ANKFN1: variants seen among roughly 807,000 people sequenced by gnomAD.
ANKFN1 encodes ankyrin repeat and fibronectin type-III domain-containing protein 1.
A neutral mutation model predicts 108.7 loss-of-function variants in ANKFN1; 74 were observed. That is an observed-to-expected ratio of 0.68 (90% CI 0.56 to 0.83). The LOEUF (loss-of-function observed/expected upper bound fraction) is 0.83. ANKFN1 is among the 40% of genes least tolerant of loss of function. The pLI, the probability that ANKFN1 is intolerant of heterozygous loss-of-function variation, is 0.00. For missense variants in ANKFN1, 1,505 were observed against 1,382.3 expected (o/e 1.09, Z -1.41); for synonymous variants, 547 against 516.2 (o/e 1.06, Z -0.81).
chr17:56,473,088 A>C (rs1404837862), intron 15 of ANKFN1: 1 of 152,168 alleles, frequency 6.6e-6, no homozygotes, highest in Non-Finnish European at 1.5e-5. Context: ...TGTGAGTTCC[A>C]TGAAGGGAAG....
At chr17:56,140,241 CTAGT>C (rs1216574814) in intron 4 of ANKFN1, among the ~76,000 whole-genome samples, 2 of 152,042 alleles carry the variant, frequency 1.3e-5, no homozygotes, top group Non-Finnish European at 2.9e-5. Flanking sequence ...TTTTTCATAT[CTAGT>C]TAGTCACCAA....
At chr17:56,278,750 C>CA (rs1903239890) in intron 3 of ANKFN1, among the ~76,000 whole-genome samples, 1 of 152,152 alleles carries the variant, frequency 6.6e-6, no homozygotes, top group African/African-American at 2.4e-5. Context: ...TTAAAAGATG[C>CA]CTTATGACCA....
intron 8 of ANKFN1, among the ~76,000 whole-genome samples, chr17:56,379,970 T>C (rs1304710220): frequency 6.6e-6 from 1 of 152,240 alleles, no homozygotes; most frequent in African/African-American, 2.4e-5. Context: ...CAAAATGTCT[T>C]TGTTATTCAC....
chr17:56,140,859 T>C (rs1402479588), intron 4 of ANKFN1, among the ~76,000 whole-genome samples: 1 of 152,218 alleles, frequency 6.6e-6, no homozygotes, highest in Non-Finnish European at 1.5e-5. Flanking sequence ...ATCTCCTCCA[T>C]TTATTAAATT....
chr17:56,460,564 A>G (rs2049867607), intron 14 of ANKFN1, among the ~76,000 whole-genome samples: 1 of 151,966 alleles, frequency 6.6e-6, no homozygotes, highest in Admixed American at 6.5e-5. Flanking sequence ...TGATGATTTC[A>G]CTGTATAATT....
intron 1 of ANKFN1, among the ~76,000 whole-genome samples, chr17:56,187,925 C>A (rs1425366975): frequency 6.6e-6 from 1 of 151,610 alleles, no homozygotes; most frequent in Admixed American, 6.6e-5. Context: ...CACACCGGGG[C>A]CTGTCGTGGG....
chr17:56,319,672 T>C (rs968520253), intron 3 of ANKFN1, among the ~76,000 whole-genome samples: 3 of 152,148 alleles, frequency 2.0e-5, no homozygotes, highest in Admixed American at 1.3e-4. Context: ...GCCTAGGGAT[T>C]GGTCATAAGA....
chr17:56,231,812 A>G (rs1263225181), intron 3 of ANKFN1, among the ~76,000 whole-genome samples: 2 of 152,156 alleles, frequency 1.3e-5, no homozygotes, highest in Non-Finnish European at 2.9e-5. Flanking sequence ...TGTTGTAAAC[A>G]TTTAGGGAAT....
At chr17:56,194,125 A>G (rs1007931539) in intron 1 of ANKFN1, among the ~76,000 whole-genome samples, 1 of 152,190 alleles carries the variant, frequency 6.6e-6, no homozygotes, top group Non-Finnish European at 1.5e-5. Context: ...GAGAACATCA[A>G]ATGCTTGTGG....
intron 8 of ANKFN1, among the ~76,000 whole-genome samples, chr17:56,436,696 G>C (rs2048940846): frequency 6.6e-6 from 1 of 151,998 alleles, no homozygotes; most frequent in African/African-American, 2.4e-5. Context: ...CAGGTGTGGT[G>C]GTGCATGCCC....
chr17:56,046,702 C>T (rs985312207), intron 4 of ANKFN1, among the ~76,000 whole-genome samples: 3 of 149,620 alleles, frequency 2.0e-5, no homozygotes, highest in Non-Finnish European at 4.5e-5. Context: ...TGCTATCAAG[C>T]GCCTTAATGT....
At chr17:56,133,055 G>A (rs914262272) in intron 4 of ANKFN1, among the ~76,000 whole-genome samples, 1 of 152,158 alleles carries the variant, frequency 6.6e-6, no homozygotes, top group Non-Finnish European at 1.5e-5. Context: ...TTACACGTGA[G>A]AGATTATTAA....
At chr17:56,124,214 T>C (rs1906791553) in intron 4 of ANKFN1, among the ~76,000 whole-genome samples, 1 of 152,242 alleles carries the variant, frequency 6.6e-6, no homozygotes, top group Non-Finnish European at 1.5e-5. Flanking sequence ...AACCACACTC[T>C]AAATTCTACA....
chr17:56,223,860 T>C (rs1488593254), intron 2 of ANKFN1, among the ~76,000 whole-genome samples: 1 of 152,230 alleles, frequency 6.6e-6, no homozygotes, highest in Non-Finnish European at 1.5e-5. Context: ...GCACTAGGAT[T>C]GGGCACGTTC....
intron 3 of ANKFN1, among the ~76,000 whole-genome samples, chr17:56,281,329 T>C (rs1468970483): frequency 2.0e-5 from 3 of 152,152 alleles, no homozygotes; most frequent in Non-Finnish European, 4.4e-5. Context: ...TTTCAATAAA[T>C]GGTTCTAGAA....
Position 56,512,080 on chromosome 17 carries a change from G to A in ANKFN1, c.*811G>A, listed in dbSNP as rs1159424576. 1.3e-5 allele frequency among the ~76,000 whole-genome samples: 2 copies of A among 152,332 alleles called. No homozygotes were observed. The highest frequency in any genetic ancestry group is 1.9e-4 in the East Asian group (1 of 5,184). On this transcript the variant is annotated 3_prime_UTR_variant, in exon 21 of 21. Coordinates refer to ENST00000682825, the MANE Select transcript of ANKFN1 (RefSeq NM_001370326.1). ...AAGGAGATGGCTAAGCAAAGTGAAA[G>A]CCTGAATTACAGATAAGACAGGGGA...
chr17:56,228,947 A>G (rs1916498115), intron 3 of ANKFN1, among the ~76,000 whole-genome samples: 1 of 152,086 alleles, frequency 6.6e-6, no homozygotes, highest in African/African-American at 2.4e-5. Context: ...TATATTATAC[A>G]TGTTCTAATA....
At chr17:56,260,293 A>C (rs890274264) in intron 3 of ANKFN1, among the ~76,000 whole-genome samples, 4 of 152,378 alleles carry the variant, frequency 2.6e-5, no homozygotes, top group Non-Finnish European at 5.9e-5. Flanking sequence ...CATATGGATT[A>C]GATTTCCCTT....
chr17:56,327,677 T>C (rs1320205955), intron 4 of ANKFN1, among the ~76,000 whole-genome samples: 1 of 152,196 alleles, frequency 6.6e-6, no homozygotes, highest in Non-Finnish European at 1.5e-5. Flanking sequence ...GTCAGGATAG[T>C]TGCATATTTG....
Sources: allele counts gnomAD v4.1 joint callset (sites outside exome capture counted in the v4.1 genomes callset), GRCh38; gene constraint gnomAD v4.1.1; transcripts MANE v1.5; gene names NCBI Gene and HGNC (gene_info 2026-07-23, HGNC 2026-07-21).